Variants in ITGB2 observed in about 807,000 individuals in gnomAD.
ITGB2 encodes integrin beta-2.
Under a neutral mutation model 86.8 loss-of-function variants are expected in ITGB2, and 56 were observed. The ratio of observed to expected loss-of-function variants is 0.65; its 90% CI spans 0.52 to 0.81. The LOEUF is 0.81. ITGB2 is among the 30% of genes least tolerant of loss of function. The pLI is 0.00. For synonymous variants in ITGB2, 457 were observed against 450.4 expected (o/e 1.01, Z -0.19); for missense variants, 948 against 1,061.2 (o/e 0.89, Z 1.48).
At chr21:44,893,126 T>A (rs528305032) in intron 10 of ITGB2, 1 of 402,370 alleles carries the variant, frequency 2.5e-6, no homozygotes, top group African/African-American at 2.0e-5. Flanking sequence ...CTCACTGACG[T>A]TCCTGACATC....
At chr21:44,890,844 C>G (rs981519461) in intron 11 of ITGB2, among the ~76,000 whole-genome samples, 4 of 152,238 alleles carry the variant, frequency 2.6e-5, no homozygotes, top group South Asian at 2.1e-4. Flanking sequence ...CCGACACCTG[C>G]CAAGTGTTCC....
At chr21:44,911,860 G>A (rs892762917) in intron 1 of ITGB2, among the ~76,000 whole-genome samples, 17 of 152,114 alleles carry the variant, frequency 1.1e-4, no homozygotes, top group South Asian at 2.1e-4. Context: ...CCCTCCATCC[G>A]GGAGGTGCCC....
At chr21:44,925,315 G>A (rs1462524054), upstream of ITGB2, among the ~76,000 whole-genome samples, 9 of 151,106 alleles carry the variant, frequency 6.0e-5, no homozygotes, top group East Asian at 3.9e-4. Flanking sequence ...GTCTCGCTAC[G>A]TTGCCAAGGC....
At chr21:44,919,585 C>T (rs533918291) in intron 1 of ITGB2, among the ~76,000 whole-genome samples, 233 of 152,284 alleles carry the variant, frequency 1.5e-3, no homozygotes, top group Non-Finnish European at 2.9e-3. Flanking sequence ...CTCCAGAATC[C>T]GGCCTCAGCC....
At position 44,910,381 on chromosome 21, in the gene ITGB2, C is replaced by T. The variant is rs141780263; in HGVS notation, c.59-9G>A. The T allele has an allele frequency of 3.7e-5, 59 of 1,614,126 alleles. No homozygotes were observed. In the East Asian group the frequency reaches 7.1e-4, roughly 20 times the overall value. ...GCACTCCTGAGAGAGGACTGAGGGA[C>T]GAGGCCGGCTGGTGAGTGGGTGCTC... On this transcript the variant is annotated splice_polypyrimidine_tract_variant and intron_variant, in intron 2 of 15. Coordinates refer to ENST00000652462, the MANE Select transcript of ITGB2 (RefSeq NM_000211.5).
chr21:44,921,307 C>G (rs1199593848), upstream of ITGB2: 1 of 152,286 alleles, frequency 6.6e-6, no homozygotes, highest in Non-Finnish European at 1.5e-5. Flanking sequence ...AGCGGAGGAA[C>G]CAGCCAAGGA....
rs143461751 is a variant in ITGB2 at position 44,904,312 on chromosome 21, G to A, written c.329-777C>T. On this transcript the variant is annotated intron_variant, in intron 4 of 15. Coordinates refer to ENST00000652462, the MANE Select transcript of ITGB2 (RefSeq NM_000211.5). The stretch of plus-strand genomic sequence containing the variant: ...CCCCTCCTCACAGACACACACACAC[G>A]CACTCCTACACATAAATACACCACA... Among the ~76,000 whole-genome samples the A allele has an allele frequency of 4.6e-3, 696 of 150,394 alleles. 2 individuals are homozygous for A. Among genetic ancestry groups the A allele is most frequent in the Non-Finnish European group, 8.1e-3 (551 of 67,796 alleles).
At chr21:44,899,028 C>T (rs1216201496) in intron 8 of ITGB2, 39 bp downstream of exon 8, 2 of 1,502,128 alleles carry the variant, frequency 1.3e-6, no homozygotes, top group South Asian at 1.1e-5. Flanking sequence ...CTGAAACATG[C>T]CCCCACCCAA....
At chr21:44,908,042 A>G (rs2084069834) in intron 3 of ITGB2, 1 of 717,346 alleles carries the variant, frequency 1.4e-6, no homozygotes, top group Non-Finnish European at 2.6e-6. Flanking sequence ...AAGGGGAGGG[A>G]AAAAACCCAG....
intron 12 of ITGB2, among the ~76,000 whole-genome samples, chr21:44,889,750 G>A (rs1414833827): frequency 2.0e-5 from 3 of 152,216 alleles, no homozygotes; most frequent in East Asian, 1.9e-4. Context: ...CCTCCTGTGG[G>A]CCCTCCCCAC....
rs1174942207 is a variant in ITGB2 at position 44,890,147 on chromosome 21, G to A, written c.1488C>T (p.Ser496=). The change falls in exon 12 of 16, where the codon AGC becomes AGT. Residue 496 remains serine, a synonymous_variant. Coordinates refer to ENST00000652462, the MANE Select transcript of ITGB2 (RefSeq NM_000211.5). ...TGATGGAGTTGTTGTCCTTCCGGCA[G>A]CTTCCTTCCAGCTCCTGGCTGCTCC... ...QGRSSQELEG[S]CRKDNNSIIC... The A allele has an allele frequency of 6.2e-7, 1 of 1,613,468 alleles. No individual in the cohort carries two copies. The highest frequency in any genetic ancestry group is 1.7e-5 in the Admixed American group (1 of 60,030).
chr21:44,917,127 A>G (rs959850716), intron 1 of ITGB2, among the ~76,000 whole-genome samples: 3 of 152,226 alleles, frequency 2.0e-5, no homozygotes, highest in African/African-American at 7.2e-5. Context: ...TAAGAAACAT[A>G]TGAGTCACCC....
At chr21:44,905,325 A>C (rs1264982471) in intron 4 of ITGB2, among the ~76,000 whole-genome samples, 2 of 152,078 alleles carry the variant, frequency 1.3e-5, no homozygotes, top group African/African-American at 4.8e-5. Context: ...CCTCACCTGC[A>C]TCCACCCGAG....
chr21:44,912,551 G>C (rs573830568), intron 1 of ITGB2, among the ~76,000 whole-genome samples: 1 of 152,350 alleles, frequency 6.6e-6, no homozygotes, highest in South Asian at 2.1e-4. Context: ...GTCAAAAACA[G>C]AACCTGCACC....
chr21:44,892,697 A>G (rs1243298943), intron 10 of ITGB2, among the ~76,000 whole-genome samples: 1 of 151,960 alleles, frequency 6.6e-6, no homozygotes, highest in Non-Finnish European at 1.5e-5. Flanking sequence ...AATGCAATGA[A>G]AGCAAGTGTC....
upstream of ITGB2, among the ~76,000 whole-genome samples, chr21:44,922,215 G>A (rs1439266143): frequency 6.6e-6 from 1 of 152,120 alleles, no homozygotes; most frequent in Non-Finnish European, 1.5e-5. Flanking sequence ...GGTTGGGAGG[G>A]GCCAGGGAGC....
chr21:44,886,222 C>T lies in ITGB2; in HGVS notation c.*146G>A, dbSNP rs878986782. The T allele has an allele frequency of 8.7e-5, 69 of 792,148 alleles. No homozygotes were observed. The highest frequency in any genetic ancestry group is 1.3e-4 in the Non-Finnish European group (59 of 457,352). 49.1% of individuals were successfully genotyped at this position (792,148 alleles called of 1,614,324 possible). On this transcript the variant is annotated 3_prime_UTR_variant, in exon 16 of 16. Coordinates refer to ENST00000652462, the MANE Select transcript of ITGB2 (RefSeq NM_000211.5). ...CGACGAGCCCCCAGAAGCACCCGGC[C>T]GGCCATGGCTGTCATTTTGAGGGCG...
At chr21:44,918,207 A>G (rs1190592538) in intron 1 of ITGB2, among the ~76,000 whole-genome samples, 1 of 152,222 alleles carries the variant, frequency 6.6e-6, no homozygotes, top group Non-Finnish European at 1.5e-5. Context: ...GGCAGCTGGC[A>G]TTCTCCTCCG....
At chr21:44,886,951 G>A (rs371530416) in intron 14 of ITGB2, 49 bp from the exon 15 acceptor site, 194 of 1,604,590 alleles carry the variant, frequency 1.2e-4, no homozygotes, top group Admixed American at 1.5e-4. Context: ...CCATCTCACT[G>A]AGCCGTGTGC....
Sources: allele counts gnomAD v4.1 joint callset (sites outside exome capture counted in the v4.1 genomes callset), GRCh38; gene constraint gnomAD v4.1.1; transcripts MANE v1.5; gene names NCBI Gene and HGNC (gene_info 2026-07-23, HGNC 2026-07-21).